Variants in CD99L2 observed in about 807,000 individuals in gnomAD.
The protein encoded by CD99L2 is CD99 molecule like 2, also known as CD99 antigen-like protein 2.
Under a neutral mutation model 27.3 loss-of-function variants are expected in CD99L2, and 24 were observed. The observed-to-expected ratio is 0.88, with a 90% CI of 0.64 to 1.24. The LOEUF (loss-of-function observed/expected upper bound fraction) is 1.24, where lower values mean the gene tolerates loss of function less well. Ranked by LOEUF, CD99L2 falls within the 50% of genes most tolerant of loss-of-function variation. CD99L2 has a pLI of 0.00. For missense variants in CD99L2, 255 were observed against 221.6 expected (o/e 1.15, Z -0.96); for synonymous variants, 97 against 87.9 (o/e 1.10, Z -0.58).
intron 2 of CD99L2, chrX:150,819,192 C>T (rs782385937): frequency 4.9e-5 from 18 of 367,739 alleles, no homozygotes; most frequent in Non-Finnish European, 8.4e-5. Flanking sequence ...ACTTTGGGTC[C>T]AGGAATGGCA....
chrX:150,773,139 C>A (rs1276541236), intron 9 of CD99L2, among the ~76,000 whole-genome samples: 2 of 112,524 alleles, frequency 1.8e-5, no homozygotes, highest in African/African-American at 6.5e-5. Flanking sequence ...GACACCTGAG[C>A]AGCCTCAAGC....
At chrX:150,769,680 CGCCACCAGGCCTCG>C (rs2043390486) in intron 10 of CD99L2, among the ~76,000 whole-genome samples, 1 of 86,596 alleles carries the variant, frequency 1.2e-5, no homozygotes, top group Admixed American at 1.6e-4. Context: ...TCCCTGCCTG[CGCCACCAGGCCTCG>C]GCTGCTCCCC....
chrX:150,881,164 C>T (rs2047319191), intron 1 of CD99L2, among the ~76,000 whole-genome samples: 1 of 111,065 alleles, frequency 9.0e-6, no homozygotes, highest in African/African-American at 3.3e-5. Flanking sequence ...TCCTCCTCTC[C>T]AGTGTCCTTC....
intron 4 of CD99L2, among the ~76,000 whole-genome samples, chrX:150,811,848 G>A (rs781920181): frequency 7.1e-5 from 8 of 111,947 alleles, no homozygotes; most frequent in Non-Finnish European, 1.3e-4. Context: ...TAGGCAAAGA[G>A]TTCTTAGACT....
chrX:150,851,629 TA>T (rs1164515738), intron 1 of CD99L2, among the ~76,000 whole-genome samples: 1 of 112,221 alleles, frequency 8.9e-6, no homozygotes, highest in Non-Finnish European at 1.9e-5. Flanking sequence ...ATCAGAAGTC[TA>T]AAATGGGTGG....
At chrX:150,772,259 G>A (rs782429326) in intron 9 of CD99L2, among the ~76,000 whole-genome samples, 4 of 112,897 alleles carry the variant, frequency 3.5e-5, no homozygotes, top group Non-Finnish European at 3.8e-5. Flanking sequence ...TCCTGATCAC[G>A]GAGGGGGCAA....
At chrX:150,784,994 G>T (rs1431550011) in intron 7 of CD99L2, among the ~76,000 whole-genome samples, 2 of 111,335 alleles carry the variant, frequency 1.8e-5, no homozygotes, top group Non-Finnish European at 3.8e-5. Flanking sequence ...GAGAGGAGGG[G>T]ATCTCCAGCA....
intron 1 of CD99L2, among the ~76,000 whole-genome samples, chrX:150,841,135 C>T (rs944993713): frequency 3.6e-5 from 4 of 111,969 alleles, no homozygotes; most frequent in Non-Finnish European, 7.5e-5. Context: ...TGGAAACAGT[C>T]CAAGTGTTCA....
intron 1 of CD99L2, among the ~76,000 whole-genome samples, chrX:150,876,342 C>G (rs1432100685): frequency 8.9e-6 from 1 of 111,843 alleles, no homozygotes; most frequent in Non-Finnish European, 1.9e-5. Flanking sequence ...GTGATTTGCT[C>G]CTTCTGCCTA....
At chrX:150,883,899 A>G (rs1186617005) in intron 1 of CD99L2, among the ~76,000 whole-genome samples, 5 of 112,057 alleles carry the variant, frequency 4.5e-5, no homozygotes, top group Non-Finnish European at 9.4e-5. Context: ...TGCAAACGAA[A>G]CCATTACAAT....
chrX:150,848,365 G>T (rs1241856677), intron 1 of CD99L2, among the ~76,000 whole-genome samples: 2 of 110,387 alleles, frequency 1.8e-5, no homozygotes, highest in African/African-American at 6.6e-5. Context: ...ATAGATGGTA[G>T]AATGATGACT....
intron 10 of CD99L2, 34 bp from the exon 11 acceptor site, chrX:150,769,135 GCT>G (rs1469006303): frequency 1.7e-6 from 2 of 1,147,587 alleles, no homozygotes; most frequent in African/African-American, 3.7e-5. Context: ...AAGGAATTCT[GCT>G]CTGTCTTGCA....
At chrX:150,874,907 T>G (rs1297932395) in intron 1 of CD99L2, among the ~76,000 whole-genome samples, 1 of 111,675 alleles carries the variant, frequency 9.0e-6, no homozygotes, top group African/African-American at 3.3e-5. Flanking sequence ...AGTTTTTATT[T>G]TAGCTCCCCT....
In CD99L2 at chrX:150,771,279, G is replaced by A. The variant is rs370574137; in HGVS notation, c.656-910C>T. Among the ~76,000 whole-genome samples, 55 of 112,905 alleles carry A rather than the reference G, an allele frequency of 4.9e-4. 1 individual carries two copies. In the East Asian group the frequency reaches 7.8e-3, roughly 16 times the overall value. On this transcript the variant is annotated intron_variant, in intron 9 of 10. Transcript: ENST00000370377. ...AGAATGCCCACCACCTGCCTGCCCC[G>A]GTGGCTGCTGGGCTTGAGGTGGGAG...
rs782551034 is a variant in CD99L2 at position 150,795,504 on chromosome X, G to T, written c.278-18C>A. Reference sequence around the variant, plus strand: ...CCATCTCTCTAAAAGGGGAAGGGAGGACAGCAAAGGGAGCACATTTAGGAA... The same window carrying T: ...CCATCTCTCTAAAAGGGGAAGGGAGTACAGCAAAGGGAGCACATTTAGGAA... On this transcript the variant is annotated intron_variant, in intron 4 of 10. Coordinates refer to ENST00000370377, the MANE Select transcript of CD99L2 (RefSeq NM_031462.4). 3 of 1,202,303 alleles carry T rather than the reference G, an allele frequency of 2.5e-6. No homozygotes were observed.
chrX:150,891,653 G>A (rs1243398516), intron 1 of CD99L2, among the ~76,000 whole-genome samples: 1 of 112,122 alleles, frequency 8.9e-6, no homozygotes, highest in Non-Finnish European at 1.9e-5. Context: ...AGATCAGGAC[G>A]TGGATGTCTT....
chrX:150,768,690 G>A lies in CD99L2; in HGVS notation c.*344C>T. The A allele has an allele frequency of 8.0e-6, 2 of 249,875 alleles. No individual in the cohort carries two copies. Among genetic ancestry groups the A allele is most frequent in the East Asian group, 6.9e-5 (1 of 14,391 alleles). The allele number at this position is 249,875 out of a possible 1,213,427, so 20.6% of individuals were successfully genotyped here. A position where few individuals can be genotyped will look rare whatever the true frequency, so the allele number is the denominator to read the frequency against. ...TTGAGTTCAAACTCTTGTCCCCTAA[G>A]CATAAATGTCATCAGGCCTCAGCAT... On this transcript the variant is annotated 3_prime_UTR_variant, in exon 11 of 11. Coordinates refer to ENST00000370377, the MANE Select transcript of CD99L2 (RefSeq NM_031462.4).
At chrX:150,882,063 G>A (rs1003554072) in intron 1 of CD99L2, among the ~76,000 whole-genome samples, 6 of 110,607 alleles carry the variant, frequency 5.4e-5, no homozygotes, top group African/African-American at 9.9e-5. Context: ...TGATCCGCCC[G>A]CCTCGGTCTC....
intron 4 of CD99L2, among the ~76,000 whole-genome samples, chrX:150,801,549 A>G (rs1203035909): frequency 9.0e-6 from 1 of 111,047 alleles, no homozygotes; most frequent in South Asian, 3.9e-4. Context: ...CCCTCCCTAG[A>G]TGCCTGGGGA....
Sources: gnomAD v4.1 joint callset for allele counts (sites outside exome capture counted in the v4.1 genomes callset) on GRCh38, gnomAD v4.1.1 for gene constraint, MANE v1.5 for transcripts, NCBI Gene and HGNC (gene_info 2026-07-23, HGNC 2026-07-21) for gene names.